The following SGCZ variants were observed in gnomAD, a reference collection of about 807,000 sequenced individuals.
The protein encoded by SGCZ is zeta-sarcoglycan.
Under a neutral mutation model 41.3 loss-of-function variants are expected in SGCZ, and 40 were observed. The observed-to-expected ratio is 0.97, with a 90% confidence interval of 0.75 to 1.26. The LOEUF is 1.26. SGCZ is among the 50% of genes most tolerant of loss of function. The probability of loss-of-function intolerance (pLI) is 0.00; values close to 1 mark genes in which losing one functional copy is unlikely to be tolerated. For synonymous variants in SGCZ, 206 were observed against 137.5 expected (o/e 1.50, Z -3.49); for missense variants, 552 against 369.8 (o/e 1.49, Z -4.04).
At chr8:14,680,271 G>C (rs1808400174) in intron 1 of SGCZ, among the ~76,000 whole-genome samples, 1 of 152,048 alleles carries the variant, frequency 6.6e-6, no homozygotes, top group Non-Finnish European at 1.5e-5. Context: ...TGCTATAATG[G>C]TGTATACGTG....
At position 14,235,141 on chromosome 8, in the gene SGCZ, C is replaced by T. The variant is rs371463588; in HGVS notation, c.424+2451G>A. On this transcript the variant is annotated intron_variant, in intron 4 of 7. Transcript: ENST00000382080. The stretch of plus-strand genomic sequence containing the variant: ...TTTAGAGATGAGAAAACGGAGTGTC[C>T]AAAAGATTAACTATTTCATTGGCAC... 1.1e-4 allele frequency among the ~76,000 whole-genome samples: 16 copies of T among 152,214 alleles called. No homozygotes were observed. In the East Asian group the frequency reaches 3.1e-3, roughly 29 times the overall value.
chr8:14,683,087 G>T (rs1808500171), intron 1 of SGCZ, among the ~76,000 whole-genome samples: 1 of 152,114 alleles, frequency 6.6e-6, no homozygotes, highest in Non-Finnish European at 1.5e-5. Flanking sequence ...GATGATAAAT[G>T]ACTGTATATT....
At chr8:15,105,567 A>G (rs1030324059) in intron 1 of SGCZ, among the ~76,000 whole-genome samples, 3 of 152,126 alleles carry the variant, frequency 2.0e-5, no homozygotes, top group Admixed American at 6.6e-5. Context: ...GAAGACCATC[A>G]TGAGAACAGG....
chr8:14,677,497 C>T lies in SGCZ; in HGVS notation c.40-122571G>A, dbSNP rs139605802. 1.5e-4 allele frequency among the ~76,000 whole-genome samples: 23 copies of T among 152,120 alleles called. 1 individual carries two copies. The South Asian group carries it at 1.9e-3, about 12-fold the overall frequency. On this transcript the variant is annotated intron_variant, in intron 1 of 7. Coordinates refer to ENST00000382080, the MANE Select transcript of SGCZ (RefSeq NM_139167.4). ...ACAAACTGATTCTATATGGGCCGGG[C>T]GGGGTGGCTCACACCTGTAATCCAG...
At chr8:14,833,206 C>G (rs1469517123) in intron 1 of SGCZ, among the ~76,000 whole-genome samples, 1 of 152,018 alleles carries the variant, frequency 6.6e-6, no homozygotes, top group African/African-American at 2.4e-5. Flanking sequence ...AGTATAGGCT[C>G]TCACATTAAT....
chr8:14,092,814 T>C (rs1801729325), intron 7 of SGCZ, among the ~76,000 whole-genome samples: 2 of 152,068 alleles, frequency 1.3e-5, no homozygotes, highest in Admixed American at 1.3e-4. Flanking sequence ...GTCTCGGGTA[T>C]GTCTTTGTCG....
intron 1 of SGCZ, among the ~76,000 whole-genome samples, chr8:14,791,031 A>C (rs562870736): frequency 4.1e-4 from 47 of 114,956 alleles, no homozygotes; most frequent in African/African-American, 2.0e-3. Context: ...ACTCTGTCTC[A>C]AAAAAAAAAG....
chr8:14,138,997 G>C (rs979880510), intron 5 of SGCZ, among the ~76,000 whole-genome samples: 7 of 152,136 alleles, frequency 4.6e-5, no homozygotes, highest in African/African-American at 1.7e-4. Context: ...CTGTCTCTCA[G>C]ACCACAGTGC....
At chr8:14,549,987 GA>G (rs1803750898) in intron 2 of SGCZ, among the ~76,000 whole-genome samples, 1 of 151,914 alleles carries the variant, frequency 6.6e-6, no homozygotes, top group South Asian at 2.1e-4. Flanking sequence ...TCACACTGGG[GA>G]AAAAAAGGTG....
intron 4 of SGCZ, among the ~76,000 whole-genome samples, chr8:14,219,618 G>A (rs1469405451): frequency 3.3e-5 from 5 of 152,100 alleles, no homozygotes; most frequent in Admixed American, 6.5e-5. Flanking sequence ...GTGGTGGCGC[G>A]TGCCTATAGT....
intron 2 of SGCZ, among the ~76,000 whole-genome samples, chr8:14,545,772 A>G (rs1325983655): frequency 2.0e-5 from 3 of 152,122 alleles, no homozygotes; most frequent in Admixed American, 6.5e-5. Flanking sequence ...CTATCAACTA[A>G]CAAGTCTCTA....
At chr8:14,252,800 T>C (rs1308775622) in intron 3 of SGCZ, among the ~76,000 whole-genome samples, 1 of 152,214 alleles carries the variant, frequency 6.6e-6, no homozygotes, top group Non-Finnish European at 1.5e-5. Context: ...GCAGTGCCAG[T>C]TGTCTCTAAG....
chr8:14,138,343 C>T (rs1216495480), intron 5 of SGCZ, among the ~76,000 whole-genome samples: 1 of 152,050 alleles, frequency 6.6e-6, no homozygotes, highest in Non-Finnish European at 1.5e-5. Context: ...CAATATTAAC[C>T]TTAAATGTAA....
intron 1 of SGCZ, among the ~76,000 whole-genome samples, chr8:14,823,598 A>C (rs1016420768): frequency 3.6e-4 from 55 of 152,226 alleles, no homozygotes; most frequent in African/African-American, 1.2e-3. Context: ...GAACTTGTAG[A>C]GAGAAGGGAA....
chr8:14,888,163 G>A (rs971051097), intron 1 of SGCZ, among the ~76,000 whole-genome samples: 3 of 152,010 alleles, frequency 2.0e-5, no homozygotes, highest in African/African-American at 7.2e-5. Context: ...TTTCAAAAAA[G>A]CAATACACCA....
At position 14,085,164 on chromosome 8, in the gene SGCZ, A is replaced by G. The variant is rs964250528; in HGVS notation, c.*5279T>C. 6.6e-6 allele frequency among the ~76,000 whole-genome samples: 1 copy of G among 151,844 alleles called. No individual in the cohort carries two copies. Among genetic ancestry groups the G allele is most frequent in the African/African-American group, 2.4e-5 (1 of 41,414 alleles). On this transcript the variant is annotated 3_prime_UTR_variant, in exon 8 of 8. Coordinates refer to ENST00000382080, the MANE Select transcript of SGCZ (RefSeq NM_139167.4). Reference sequence around the variant, plus strand: ...TAGAAAAAGTGATTTTACATAAAGCAAGATAGAGTACAAAAGCACAGCTTT... The same window carrying G: ...TAGAAAAAGTGATTTTACATAAAGCGAGATAGAGTACAAAAGCACAGCTTT...
chr8:14,889,031 T>G (rs368131909), intron 1 of SGCZ, among the ~76,000 whole-genome samples: 10 of 152,276 alleles, frequency 6.6e-5, no homozygotes, highest in African/African-American at 2.4e-4. Context: ...GTATTTTGTT[T>G]CTCCAATTCC....
At chr8:14,506,970 G>A (rs1365172629) in intron 2 of SGCZ, among the ~76,000 whole-genome samples, 18 of 151,968 alleles carry the variant, frequency 1.2e-4, no homozygotes, top group Admixed American at 9.2e-4. Context: ...ACATCTTTCC[G>A]TGATCTTATC....
intron 1 of SGCZ, among the ~76,000 whole-genome samples, chr8:15,227,759 A>G (rs1182330136): frequency 6.6e-6 from 1 of 152,222 alleles, no homozygotes; most frequent in Non-Finnish European, 1.5e-5. Flanking sequence ...AAAACACTGA[A>G]GTACAACTCC....
Sources: gnomAD v4.1 joint callset for allele counts (sites outside exome capture counted in the v4.1 genomes callset) on GRCh38, gnomAD v4.1.1 for gene constraint, MANE v1.5 for transcripts, NCBI Gene and HGNC (gene_info 2026-07-23, HGNC 2026-07-21) for gene names.